FLNA: variants seen among roughly 807,000 people sequenced by gnomAD.
The protein encoded by FLNA is filamin-A.
A neutral mutation model predicts 157.6 loss-of-function variants in FLNA; 7 were observed. That is an observed-to-expected ratio of 0.04 (90% CI 0.03 to 0.08). The LOEUF (loss-of-function observed/expected upper bound fraction) is 0.08. Ranked by LOEUF, FLNA falls within the 10% of genes least tolerant of loss-of-function variation. The pLI, the probability that FLNA is intolerant of heterozygous loss-of-function variation, is 1.00. For synonymous variants in FLNA, 1,103 were observed against 1,060.8 expected, an observed-to-expected ratio of 1.04 and a Z score of -0.77; for missense variants, 1,750 against 2,398.4, an observed-to-expected ratio of 0.73 and a Z score of 5.65.
At chrX:154,374,275 G>A (rs937315506) in intron 1 of FLNA, among the ~76,000 whole-genome samples, 4 of 112,722 alleles carry the variant, frequency 3.5e-5, no homozygotes, top group Non-Finnish European at 7.5e-5. Flanking sequence ...CACATTCGTG[G>A]GCACAGACAT....
Position 154,354,460 on chromosome X carries a change from A to G in FLNA, c.5337T>C (p.Gly1779=). ...QTWAPERPLV[G]VNGLDVTSLR... is the part of the protein sequence containing the mutation. ...GGCTGGTCACATCCAGCCCATTGACACCCACCAGGGGCCTCTCCGGGGCCT... is the reference window on the plus strand; with the variant it reads ...GGCTGGTCACATCCAGCCCATTGACGCCCACCAGGGGCCTCTCCGGGGCCT... Residue 1779 remains glycine (G), a synonymous_variant, in exon 33 of 48, where the codon GGT becomes GGC. Coordinates refer to ENST00000369850, the MANE Select transcript of FLNA (RefSeq NM_001110556.2). 8.3e-7 allele frequency: 1 copy of G among 1,211,106 alleles called. No individual in the cohort carries two copies. Among genetic ancestry groups the G allele is most frequent in the Non-Finnish European group, 1.1e-6 (1 of 895,189 alleles).
rs781864297 is a variant in FLNA, at chrX:154,360,512, C to T, written c.3283G>A (p.Ala1095Thr). 6 of 1,210,034 alleles carry T rather than the reference C, an allele frequency of 5.0e-6. No individual in the cohort carries two copies. In the African/African-American group the frequency reaches 5.2e-5, roughly 10 times the overall value. The change falls in exon 22 of 48, where the codon GCC (alanine) becomes ACC (threonine). Residue 1095 changes from alanine (A) to threonine (T), a missense_variant. Transcript: ENST00000369850. ...PARFTIDTKGAGTGGLGLTVE... is the reference protein window; with the variant it reads ...PARFTIDTKGTGTGGLGLTVE... Reference sequence around the variant, plus strand: ...GTCAGGCCCAGGCCACCTGTGCCGGCGCCCTTGGTGTCGATGGTGAAGCGG... The same window carrying T: ...GTCAGGCCCAGGCCACCTGTGCCGGTGCCCTTGGTGTCGATGGTGAAGCGG...
In FLNA at chrX:154,349,749, G is replaced by A. The variant is rs782320498; in HGVS notation, c.7452C>T (p.Arg2484=). ...CAGGTGCCATGGGGGTATAGGTGAC[G>A]CGGTAGCCCTCAGGGCACTCCTGGC... The part of the protein sequence containing the change: ...MDCQECPEGY[R]VTYTPMAPGS... The change falls in exon 46 of 48, where the codon CGC becomes CGT. Residue 2484 remains arginine (R), a synonymous_variant. Transcript: ENST00000369850. 11 of 1,210,415 alleles carry A rather than the reference G, an allele frequency of 9.1e-6. No individual in the cohort carries two copies. The Admixed American group carries it at 1.7e-4, about 19-fold the overall frequency.
chrX:154,367,705 C>T lies in FLNA; in HGVS notation c.656G>A (p.Ser219Asn). 2.5e-6 allele frequency: 3 copies of T among 1,211,372 alleles called. No individual in the cohort carries two copies. Among genetic ancestry groups the T allele is most frequent in the Non-Finnish European group, 3.4e-6 (3 of 895,519 alleles). Residue 219 changes from serine (S) to asparagine (N), a missense_variant, in exon 4 of 48, where the codon AGC (serine) becomes AAC (asparagine). This residue lies in a region of FLNA where 71 missense variants were observed against 239.5 expected (regional missense o/e 0.30). Coordinates refer to ENST00000369850, the MANE Select transcript of FLNA (RefSeq NM_001110556.2). The stretch of plus-strand genomic sequence containing the variant: ...CTCTCGCGCATTGGTAACGGGCTTG[C>T]TGGCGTCCCAAGAGTCCCAGTCAGG... ...LCPDWDSWDA[S>N]KPVTNAREAM... is the part of the protein sequence containing the mutation.
rs781870099 is a variant in FLNA, at chrX:154,364,326, T to C, written c.2069A>G (p.Asn690Ser). The C allele has an allele frequency of 2.5e-6, 3 of 1,209,364 alleles. No homozygotes were observed. The highest frequency in any genetic ancestry group is 2.2e-6 in the Non-Finnish European group (2 of 895,093). The stretch of plus-strand genomic sequence containing the variant: ...ATCCACTGTGAACTCTGCTGGCTTG[T>C]TGACGGCCACACCTGTCTTCTCCAA... Reference protein sequence around the residue: ...PGLEKTGVAVNKPAEFTVDAK... With the variant: ...PGLEKTGVAVSKPAEFTVDAK... The change falls in exon 14 of 48, where the codon AAC becomes AGC. Residue 690 changes from asparagine to serine, a missense_variant. Transcript: ENST00000369850.
chrX:154,367,040 G>T (rs1557179466), intron 5 of FLNA, among the ~76,000 whole-genome samples, 190 bp from the exon 6 acceptor site: 1 of 112,109 alleles, frequency 8.9e-6, no homozygotes, highest in Non-Finnish European at 1.9e-5. Context: ...GACAGGCCCA[G>T]CCTGTTTTCT....
Position 154,362,409 on chromosome X carries a change from A to G in FLNA, c.2565+9T>C. 3 of 1,210,935 alleles carry G rather than the reference A, an allele frequency of 2.5e-6. No homozygotes were observed. Among genetic ancestry groups the G allele is most frequent in the Non-Finnish European group, 3.4e-6 (3 of 894,891 alleles). On this transcript the variant is annotated intron_variant, in intron 17 of 47. Coordinates refer to ENST00000369850, the MANE Select transcript of FLNA (RefSeq NM_001110556.2). The stretch of plus-strand genomic sequence containing the variant: ...ATGACATCTTAGCGGCCAGGAGCGC[A>G]GCACCCACCTGGTCAGCAAAGAGGA...
Position 154,366,427 on chromosome X carries a change from A to C in FLNA, c.1109T>G (p.Phe370Cys), listed in dbSNP as rs782098882. The change falls in exon 8 of 48, where the codon TTC becomes TGC. Residue 370 changes from phenylalanine (F) to cysteine (C), a missense_variant. Phe to Cys is a radical substitution (Grantham distance 205). This residue lies in a region of FLNA where 648 missense variants were observed against 805.8 expected (regional missense o/e 0.80). Coordinates refer to ENST00000369850, the MANE Select transcript of FLNA (RefSeq NM_001110556.2). ...FAGQHIAKSP[F>C]EVYVDKSQGD... ...CTGTGACTTATCCACGTACACCTCG[A>C]AGGGGCTCTTGGCGATGTGCTGGCC... The C allele has an allele frequency of 1.7e-6, 2 of 1,211,630 alleles. No individual in the cohort carries two copies. Among genetic ancestry groups the C allele is most frequent in the Non-Finnish European group, 1.1e-6 (1 of 895,317 alleles).
At chrX:154,370,811 G>T (rs900084359) in intron 2 of FLNA, 62 bp downstream of exon 2, 30 of 1,157,543 alleles carry the variant, frequency 2.6e-5, no homozygotes, top group Admixed American at 4.6e-5. Context: ...TCCGCCCGGG[G>T]AGATGGAAGG....
At chrX:154,370,756 C>T in intron 2 of FLNA, 117 bp downstream of exon 2, 1 of 811,335 alleles carries the variant, frequency 1.2e-6, no homozygotes, top group Non-Finnish European at 1.8e-6. Flanking sequence ...CAGCCGGAGG[C>T]CTCGGGAGTT....
In FLNA at chrX:154,359,877, G is replaced by A. The variant is rs1603361012; in HGVS notation, c.3834C>T (p.Phe1278=). Residue 1278 remains phenylalanine (F), a synonymous_variant, in exon 23 of 48, where the codon TTC becomes TTT. Transcript: ENST00000369850. ...QGVFREATTE[F]SVDARALTQT... Reference sequence around the variant, plus strand: ...GTGTCAGAGCCCGGGCGTCCACACTGAACTCAGTGGTGGCCTCACGGAAGA... The same window carrying A: ...GTGTCAGAGCCCGGGCGTCCACACTAAACTCAGTGGTGGCCTCACGGAAGA... 3.3e-6 allele frequency: 4 copies of A among 1,209,504 alleles called. No individual in the cohort carries two copies. Among genetic ancestry groups the A allele is most frequent in the Admixed American group, 2.2e-5 (1 of 45,956 alleles).
intron 2 of FLNA, 43 bp downstream of exon 2, chrX:154,370,830 A>AGTCCCC: frequency 8.4e-7 from 1 of 1,193,221 alleles, no homozygotes; most frequent in Admixed American, 2.2e-5. Context: ...GGACGCACGG[A>AGTCCCC]GTCCCCGCCC....
At position 154,364,635 on chromosome X, in the gene FLNA, T is replaced by C; in HGVS notation, c.1913A>G (p.Gln638Arg). ...DGSCDVRYWP[Q>R]EAGEYAVHVL... ...GTGAACGGCATACTCGCCAGCCTCC[T>C]GCGGCCAGTAGCGCACATCACAGGA... is the stretch of plus-strand genomic sequence containing the variant. Residue 638 changes from glutamine to arginine, a missense_variant, in exon 13 of 48, where the codon CAG (glutamine) becomes CGG (arginine). By Grantham distance (43) the Gln-to-Arg change is conservative. Around this residue, in one of 5 missense-constraint regions of FLNA, gnomAD observed 648 missense variants for 805.8 expected, o/e 0.80. Transcript: ENST00000369850. The C allele has an allele frequency of 8.3e-7, 1 of 1,210,925 alleles. No homozygotes were observed. Among genetic ancestry groups the C allele is most frequent in the Non-Finnish European group, 1.1e-6 (1 of 895,313 alleles).
intron 2 of FLNA, among the ~76,000 whole-genome samples, chrX:154,369,960 CCCTCT>C: frequency 8.9e-6 from 1 of 111,913 alleles, no homozygotes; most frequent in Non-Finnish European, 1.9e-5. Flanking sequence ...GACTCATCAT[CCCTCT>C]CCTCTCCCTG....
At chrX:154,370,338 A>T (rs1304222505) in intron 2 of FLNA, among the ~76,000 whole-genome samples, 4 of 111,907 alleles carry the variant, frequency 3.6e-5, no homozygotes, top group Non-Finnish European at 7.5e-5. Context: ...GTGGGGGGGT[A>T]GATCTAAACT....
chrX:154,370,783 G>C, intron 2 of FLNA, 90 bp downstream of exon 2: 1 of 999,505 alleles, frequency 1.0e-6, no homozygotes, highest in Non-Finnish European at 1.4e-6. Flanking sequence ...CGGCCCGGAA[G>C]GGGGTGGTTT....
chrX:154,367,710 G>A lies in FLNA; in HGVS notation c.651C>T (p.Asp217=), dbSNP rs34644500. 241 of 1,209,449 alleles carry A rather than the reference G, an allele frequency of 2.0e-4. 2 individuals are homozygous for A. In the African/African-American group the frequency reaches 2.5e-3, roughly 13 times the overall value. ...GCGCATTGGTAACGGGCTTGCTGGC[G>A]TCCCAAGAGTCCCAGTCAGGACACA... ...PGLCPDWDSW[D]ASKPVTNARE... is the part of the protein sequence containing the mutation. The change falls in exon 4 of 48, where the codon GAC becomes GAT. Residue 217 remains aspartate, a synonymous_variant. Transcript: ENST00000369850.
Position 154,354,918 on chromosome X carries a change from G to T in FLNA, c.5124C>A (p.Phe1708Leu). ...VDVVENEDGTFDIFYTAPQPG... is the reference protein window; with the variant it reads ...VDVVENEDGTLDIFYTAPQPG... ...GCTGGGGGGCCGTGTAGAAGATGTC[G>T]AAAGTGCCGTCCTCATTCTCCACCA... The change falls in exon 31 of 48, where the codon TTC becomes TTA. Residue 1708 changes from phenylalanine (F) to leucine (L), a missense_variant. Around this residue, in one of 5 missense-constraint regions of FLNA, gnomAD observed 970 missense variants for 1,302.6 expected, o/e 0.74. Coordinates refer to ENST00000369850, the MANE Select transcript of FLNA (RefSeq NM_001110556.2). 8.3e-7 allele frequency: 1 copy of T among 1,211,970 alleles called. No individual in the cohort carries two copies. The highest frequency in any genetic ancestry group is 1.1e-6 in the Non-Finnish European group (1 of 895,552).
chrX:154,359,115 G>A lies in FLNA; in HGVS notation c.4343C>T (p.Ala1448Val), dbSNP rs201886752. 1 of 1,209,945 alleles carries A rather than the reference G, an allele frequency of 8.3e-7. No homozygotes were observed. The highest frequency in any genetic ancestry group is 2.2e-5 in the Admixed American group (1 of 45,918). Reference protein sequence around the residue: ...FKVPVHDVTDASKVKCSGPGL... With the variant: ...FKVPVHDVTDVSKVKCSGPGL... ...GGGCCCAGAGCACTTGACCTTGGAC[G>A]CATCTGTCACATCATGCACAGGGAC... Residue 1448 changes from alanine to valine, a missense_variant, in exon 26 of 48, where the codon GCG (alanine) becomes GTG (valine). Transcript: ENST00000369850.
Sources: gnomAD v4.1 joint callset for allele counts (sites outside exome capture counted in the v4.1 genomes callset) on GRCh38, gnomAD v4.1.1 for gene constraint, gnomAD v4.1.1 regional missense constraint, MANE v1.5 for transcripts, NCBI Gene and HGNC (gene_info 2026-07-23, HGNC 2026-07-21) for gene names.